The following GRAMD4 variants were observed in gnomAD, a reference collection of about 807,000 sequenced individuals.
The protein encoded by GRAMD4 is GRAM domain containing 4.
A neutral mutation model predicts 83.9 loss-of-function variants in GRAMD4; 25 were observed. That is an observed-to-expected ratio of 0.30 (90% CI 0.22 to 0.42). GRAMD4 has a LOEUF of 0.42. GRAMD4 is among the 10% of genes least tolerant of loss of function. The pLI is 1.00. For synonymous variants in GRAMD4, 336 were observed against 320.9 expected, an observed-to-expected ratio of 1.05 and a Z score of -0.50; for missense variants, 593 against 788.7, an observed-to-expected ratio of 0.75 and a Z score of 2.97.
intron 1 of GRAMD4, among the ~76,000 whole-genome samples, chr22:46,613,496 G>T (rs372304746): frequency 2.0e-5 from 3 of 152,388 alleles, no homozygotes; most frequent in East Asian, 1.9e-4. Context: ...GTGTCCCCGA[G>T]CTGCTGTCGC....
chr22:46,602,689 T>G (rs1256857805), intron 1 of GRAMD4, among the ~76,000 whole-genome samples: 1 of 151,816 alleles, frequency 6.6e-6, no homozygotes, highest in Non-Finnish European at 1.5e-5. Context: ...TCTCTCATTA[T>G]AAGTGAAGGT....
intron 1 of GRAMD4, among the ~76,000 whole-genome samples, chr22:46,591,575 C>G (rs2081208390): frequency 6.6e-6 from 1 of 152,104 alleles, no homozygotes; most frequent in African/African-American, 2.4e-5. Flanking sequence ...TGCCTCACGC[C>G]TGTAATCCCA....
At chr22:46,624,923 G>T (rs1408282662) in intron 1 of GRAMD4, among the ~76,000 whole-genome samples, 1 of 150,144 alleles carries the variant, frequency 6.7e-6, no homozygotes, top group Non-Finnish European at 1.5e-5. Context: ...TGCAGTGGCG[G>T]GATCTCAGCT....
At chr22:46,636,578 G>C (rs1246920760) in intron 2 of GRAMD4, among the ~76,000 whole-genome samples, 3 of 152,258 alleles carry the variant, frequency 2.0e-5, no homozygotes, top group Non-Finnish European at 4.4e-5. Flanking sequence ...GCTCCGGGTG[G>C]CCTTGTTGAA....
At chr22:46,653,754 C>T (rs1442370862) in intron 3 of GRAMD4, among the ~76,000 whole-genome samples, 2 of 152,216 alleles carry the variant, frequency 1.3e-5, no homozygotes, top group African/African-American at 2.4e-5. Flanking sequence ...CTGCCTTGAC[C>T]TTGACAGGGC....
intron 9 of GRAMD4, among the ~76,000 whole-genome samples, chr22:46,666,194 G>T (rs2082406375): frequency 6.6e-6 from 1 of 152,156 alleles, no homozygotes; most frequent in Non-Finnish European, 1.5e-5. Context: ...CACCCCTTAT[G>T]CCCCCTCTGA....
At chr22:46,656,281 C>T (rs1413310509) in intron 3 of GRAMD4, among the ~76,000 whole-genome samples, 1 of 152,236 alleles carries the variant, frequency 6.6e-6, no homozygotes, top group African/African-American at 2.4e-5. Flanking sequence ...GTAACAGCAT[C>T]CAGCACCCCC....
At chr22:46,588,568 C>T (rs985232778) in intron 1 of GRAMD4, among the ~76,000 whole-genome samples, 8 of 152,236 alleles carry the variant, frequency 5.3e-5, no homozygotes, top group Non-Finnish European at 1.0e-4. Context: ...CCCTGTCCCT[C>T]GCAGTCTTAG....
chr22:46,581,971 C>T (rs1052479530), intron 1 of GRAMD4, among the ~76,000 whole-genome samples: 6 of 152,176 alleles, frequency 3.9e-5, no homozygotes, highest in Non-Finnish European at 8.8e-5. Flanking sequence ...CGCGTCTGCA[C>T]CACCTCCCAC....
intron 1 of GRAMD4, among the ~76,000 whole-genome samples, chr22:46,588,229 A>G (rs898309242): frequency 6.6e-6 from 1 of 152,094 alleles, no homozygotes; most frequent in Admixed American, 6.5e-5. Context: ...GGGAGAAGCC[A>G]GGTAACCCCA....
At chr22:46,680,180 G>A (rs557424857), downstream of GRAMD4, among the ~76,000 whole-genome samples, 43 of 152,188 alleles carry the variant, frequency 2.8e-4, no homozygotes, top group Non-Finnish European at 5.4e-4. Flanking sequence ...TCTCCACTTT[G>A]GTGTCCTGGC....
rs1168287559 is a variant in GRAMD4, at chr22:46,672,349, C to T, written c.1085-494C>T. Among the ~76,000 whole-genome samples the T allele has an allele frequency of 6.6e-6, 1 of 151,376 alleles. No individual in the cohort carries two copies. Among genetic ancestry groups the T allele is most frequent in the Non-Finnish European group, 1.5e-5 (1 of 67,858 alleles). ...GTCTGAGCAGCTGGTCATGGGCGGC[C>T]TCTCAGCAGGGATGGGCTGGGCGTG... On this transcript the variant is annotated intron_variant, in intron 13 of 18. Transcript: ENST00000406902. The surrounding 1 kb of genome is among the most constrained non-coding windows in gnomAD (Gnocchi z 4.7).
chr22:46,674,742 C>T lies in GRAMD4; in HGVS notation c.1470C>T (p.Val490=), dbSNP rs778509935. 3 of 1,608,038 alleles carry T rather than the reference C, an allele frequency of 1.9e-6. No homozygotes were observed. In the Admixed American group the frequency reaches 5.0e-5, roughly 27 times the overall value. The part of the protein sequence containing the change: ...TDYIRNGVLY[V]TENYLCFESS... ...ACATCAGGAACGGGGTGCTCTACGT[C>T]ACGGAGAAGTGAGTGCAGCCGTGGG... The change falls in exon 16 of 19, where the codon GTC becomes GTT. Residue 490 remains valine, a synonymous_variant. Coordinates refer to ENST00000406902, the MANE Select transcript of GRAMD4 (RefSeq NM_015124.5).
chr22:46,587,640 C>CGTCCT (rs527792297), intron 1 of GRAMD4, among the ~76,000 whole-genome samples: 1,707 of 151,964 alleles, frequency 0.011, 32 homozygotes, highest in African/African-American at 0.034. Context: ...GGCAAGGCTC[C>CGTCCT]GTCCTGTCCT....
At chr22:46,674,813 C>T in intron 16 of GRAMD4, 63 bp downstream of exon 16, 1 of 1,185,682 alleles carries the variant, frequency 8.4e-7, no homozygotes, top group Non-Finnish European at 1.3e-6. Context: ...CTGCCTAGGC[C>T]CTGGGATGGC....
intron 15 of GRAMD4, 91 bp downstream of exon 15, chr22:46,673,905 C>T (rs2082553944): frequency 1.4e-6 from 2 of 1,417,604 alleles, no homozygotes; most frequent in African/African-American, 2.8e-5. Context: ...ACGGGGTCGC[C>T]CTGTGACAGG....
In GRAMD4 at chr22:46,679,169, A is replaced by T. The variant is rs951083532; in HGVS notation, c.*1918A>T. On this transcript the variant is annotated 3_prime_UTR_variant, in exon 19 of 19. Coordinates refer to ENST00000406902, the MANE Select transcript of GRAMD4 (RefSeq NM_015124.5). The stretch of plus-strand genomic sequence containing the variant: ...TCTCCCCAGGGCCCGGCAGTGCCCA[A>T]GGATGGGTCCGGGGCCTCGGGGCCA... 1.0e-6 allele frequency: 1 copy of T among 984,740 alleles called. No homozygotes were observed. The highest frequency in any genetic ancestry group is 1.2e-6 in the Non-Finnish European group (1 of 829,234). The allele number at this position is 984,740 out of a possible 1,614,324, so 61.0% of individuals were successfully genotyped here. A position where few individuals can be genotyped will look rare whatever the true frequency, so the allele number is the denominator to read the frequency against.
At chr22:46,675,067 GC>G (rs576338475) in intron 16 of GRAMD4, among the ~76,000 whole-genome samples, 263 of 152,376 alleles carry the variant, frequency 1.7e-3, no homozygotes, top group African/African-American at 5.9e-3. Context: ...TATTGCTGAG[GC>G]CCTGAGTCCT....
chr22:46,632,490 A>G (rs1601598030), intron 2 of GRAMD4, among the ~76,000 whole-genome samples: 3 of 152,218 alleles, frequency 2.0e-5, no homozygotes, highest in African/African-American at 4.8e-5. Context: ...TGACAGCGCC[A>G]CAGCCTTGGT....
Sources: allele counts gnomAD v4.1 joint callset (sites outside exome capture counted in the v4.1 genomes callset), GRCh38; gene constraint gnomAD v4.1.1; non-coding constraint Gnocchi (gnomAD v3.1); transcripts MANE v1.5; gene names NCBI Gene and HGNC (gene_info 2026-07-23, HGNC 2026-07-21).